The following EPM2A variants were observed in gnomAD, a reference collection of about 807,000 sequenced individuals.
EPM2A encodes the protein laforin.
Under a neutral mutation model 26.5 loss-of-function variants are expected in EPM2A, and 21 were observed. That is an observed-to-expected ratio of 0.79 (90% CI 0.56 to 1.14). EPM2A has a LOEUF of 1.14. Ranked by LOEUF, EPM2A falls within the 50% of genes most tolerant of loss-of-function variation. The pLI, the probability that EPM2A is intolerant of heterozygous loss-of-function variation, is 0.00. For synonymous variants in EPM2A, 217 were observed against 177.6 expected (o/e 1.22, Z -1.76); for missense variants, 458 against 440.8 (o/e 1.04, Z -0.35).
intron 2 of EPM2A, among the ~76,000 whole-genome samples, chr6:145,554,630 T>A (rs1354672109): frequency 6.6e-6 from 1 of 152,086 alleles, no homozygotes; most frequent in Admixed American, 6.6e-5. Context: ...CAGCCAGTTC[T>A]GGCAAGGGCT....
chr6:145,585,323 A>T (rs1006254163), intron 2 of EPM2A, among the ~76,000 whole-genome samples: 1 of 151,896 alleles, frequency 6.6e-6, no homozygotes, highest in African/African-American at 2.4e-5. Context: ...TCCTCAAATA[A>T]TTTTTTTTAC....
At position 145,627,667 on chromosome 6, in the gene EPM2A, C is replaced by T. The variant is rs1387516050; in HGVS notation, c.745G>A (p.Val249Met). 1 of 1,614,176 alleles carries T rather than the reference C, an allele frequency of 6.2e-7. No individual in the cohort carries two copies. The highest frequency in any genetic ancestry group is 8.5e-7 in the Non-Finnish European group (1 of 1,180,010). Reference protein sequence around the residue: ...EGRVQMLPQAVCLLHALLEKG... With the variant: ...EGRVQMLPQAMCLLHALLEKG... ...TCCAGCAGCGCATGCAGCAGGCACA[C>T]CGCCTGGGGCAGCATCTGTACTCGG... is the stretch of plus-strand genomic sequence containing the variant. The change falls in exon 4 of 4, where the codon GTG (valine) becomes ATG (methionine). Residue 249 changes from valine to methionine, a missense_variant. Coordinates refer to ENST00000367519, the MANE Select transcript of EPM2A (RefSeq NM_005670.4).
chr6:145,577,295 CCTATAAAGA>C (rs1170090532), intron 2 of EPM2A, among the ~76,000 whole-genome samples: 1 of 150,208 alleles, frequency 6.7e-6, no homozygotes, highest in Admixed American at 6.6e-5. Context: ...ACTCACTTCA[CCTATAAAGA>C]CTATAAAGAC....
At chr6:145,409,339 G>A (rs2202846) in intron 4 of EPM2A, among the ~76,000 whole-genome samples, 1 of 152,066 alleles carries the variant, frequency 6.6e-6, no homozygotes, top group African/African-American at 2.4e-5. Flanking sequence ...TTATTCTTTA[G>A]AGACTATCTA....
At chr6:145,552,776 G>A (rs1276927004) in intron 2 of EPM2A, among the ~76,000 whole-genome samples, 1 of 152,080 alleles carries the variant, frequency 6.6e-6, no homozygotes, top group African/African-American at 2.4e-5. Context: ...CTACCCAGGT[G>A]TGGGCTTTGG....
intron 1 of EPM2A, among the ~76,000 whole-genome samples, chr6:145,716,541 C>A (rs960234065): frequency 1.3e-5 from 2 of 152,110 alleles, no homozygotes; most frequent in Non-Finnish European, 2.9e-5. Context: ...TGATCCCTGC[C>A]CACGTCCTCC....
intron 2 of EPM2A, among the ~76,000 whole-genome samples, chr6:145,556,750 C>T (rs1780732809): frequency 6.6e-6 from 1 of 152,094 alleles, no homozygotes; most frequent in Non-Finnish European, 1.5e-5. Context: ...CTGAGAAAAG[C>T]TGACCTTCCT....
chr6:145,453,319 G>A (rs1031073904), intron 4 of EPM2A, among the ~76,000 whole-genome samples: 1 of 152,138 alleles, frequency 6.6e-6, no homozygotes, highest in East Asian at 1.9e-4. Flanking sequence ...GAGGTGGGGG[G>A]AAAAAAGATT....
downstream of EPM2A, among the ~76,000 whole-genome samples, chr6:145,498,916 T>C (rs1044643687): frequency 3.3e-5 from 5 of 152,164 alleles, no homozygotes; most frequent in African/African-American, 9.7e-5. Context: ...ACTTTATCTT[T>C]TAAATATCTT....
At chr6:145,460,907 A>G (rs990502045) in intron 4 of EPM2A, among the ~76,000 whole-genome samples, 5 of 152,194 alleles carry the variant, frequency 3.3e-5, no homozygotes, top group Admixed American at 2.6e-4. Context: ...AACTTCATGT[A>G]GATCTGATAT....
In EPM2A at chr6:145,392,815, G is replaced by T. The variant is rs568245483; in HGVS notation, c.556-8718C>A. On this transcript the variant is annotated intron_variant, in intron 4 of 4. Coordinates refer to the EPM2A transcript ENST00000638717. ...GGAATAGATCAACCATGAGGGTTTG[G>T]CACATCCTAAAACTGATCTTGTACT... Among the ~76,000 whole-genome samples, 9 of 152,132 alleles carry T rather than the reference G, an allele frequency of 5.9e-5. No individual in the cohort carries two copies. In the South Asian group the frequency reaches 1.7e-3, roughly 28 times the overall value.
chr6:145,585,750 T>C lies in EPM2A; in HGVS notation c.340+49495A>G, dbSNP rs1781188405. On this transcript the variant is annotated intron_variant, in intron 2 of 3. Transcript: ENST00000450221. ...TTGTGCATTTATAAATATTTTTGAG[T>C]TTTGTTTTGGTATACAATTAAGTTA... 2.0e-5 allele frequency among the ~76,000 whole-genome samples: 3 copies of C among 152,196 alleles called. No individual in the cohort carries two copies. In the South Asian group the frequency reaches 6.2e-4, roughly 32 times the overall value.
intron 1 of EPM2A, among the ~76,000 whole-genome samples, chr6:145,708,110 T>C (rs1314804174): frequency 1.3e-5 from 2 of 152,122 alleles, no homozygotes; most frequent in African/African-American, 4.8e-5. Context: ...CTGTGGAACT[T>C]TGAACTTGAG....
chr6:145,523,663 TTCC>T (rs1455920898), intron 2 of EPM2A, among the ~76,000 whole-genome samples: 1 of 152,216 alleles, frequency 6.6e-6, no homozygotes, highest in East Asian at 1.9e-4. Flanking sequence ...TTCTCCTGCC[TTCC>T]TATTCCCTGA....
chr6:145,525,786 T>C (rs1359601963), intron 2 of EPM2A, among the ~76,000 whole-genome samples: 5 of 152,138 alleles, frequency 3.3e-5, no homozygotes, highest in African/African-American at 1.2e-4. Flanking sequence ...CTTTCATTTC[T>C]TTCTCTTGCC....
chr6:145,511,620 G>A (rs1780055817), intron 2 of EPM2A, among the ~76,000 whole-genome samples: 1 of 152,138 alleles, frequency 6.6e-6, no homozygotes, highest in Non-Finnish European at 1.5e-5. Flanking sequence ...AAAGCCATGT[G>A]TAACAAACCC....
chr6:145,689,630 G>A (rs1781148075), intron 1 of EPM2A, among the ~76,000 whole-genome samples: 1 of 152,174 alleles, frequency 6.6e-6, no homozygotes, highest in Non-Finnish European at 1.5e-5. Context: ...GAAAAGACAA[G>A]CCTAGCCAGA....
At chr6:145,564,015 C>T (rs964769421) in intron 2 of EPM2A, among the ~76,000 whole-genome samples, 1 of 152,058 alleles carries the variant, frequency 6.6e-6, no homozygotes, top group African/African-American at 2.4e-5. Flanking sequence ...CTATGCATAT[C>T]CTATCATCTA....
intron 4 of EPM2A, among the ~76,000 whole-genome samples, chr6:145,399,749 C>CCCTT (rs1194469410): frequency 2.0e-5 from 3 of 152,102 alleles, no homozygotes; most frequent in African/African-American, 7.2e-5. Context: ...TTTATGTCAA[C>CCCTT]CCTTCAGGTG....
Sources: gnomAD v4.1 joint callset for allele counts (sites outside exome capture counted in the v4.1 genomes callset) on GRCh38, gnomAD v4.1.1 for gene constraint, MANE v1.5 for transcripts, NCBI Gene and HGNC (gene_info 2026-07-23, HGNC 2026-07-21) for gene names.